The following FRMD4A variants were observed in gnomAD, a reference collection of about 807,000 sequenced individuals.
FRMD4A encodes the protein FERM domain containing 4A.
In FRMD4A, 29 loss-of-function variants were observed where a neutral mutation model predicts 129.1. That is an observed-to-expected ratio of 0.22 (90% CI 0.17 to 0.31). FRMD4A has a LOEUF of 0.31. FRMD4A is among the 10% of genes least tolerant of loss of function. The pLI, the probability that FRMD4A is intolerant of heterozygous loss-of-function variation, is 1.00. For missense variants in FRMD4A, 1,272 were observed against 1,375.8 expected, an observed-to-expected ratio of 0.92 and a Z score of 1.19; for synonymous variants, 634 against 571.6, an observed-to-expected ratio of 1.11 and a Z score of -1.56.
chr10:13,732,362 C>T (rs2090373795), intron 12 of FRMD4A, among the ~76,000 whole-genome samples: 1 of 152,072 alleles, frequency 6.6e-6, no homozygotes, highest in African/African-American at 2.4e-5. Context: ...TATGGAAACA[C>T]TTAAGTGGAT....
At chr10:14,109,345 C>T (rs1837755704) in intron 2 of FRMD4A, among the ~76,000 whole-genome samples, 1 of 152,060 alleles carries the variant, frequency 6.6e-6, no homozygotes, top group Admixed American at 6.5e-5. Flanking sequence ...CCATAATTTC[C>T]AGTTTGTTTC....
At chr10:13,903,726 A>T (rs565242552) in intron 2 of FRMD4A, among the ~76,000 whole-genome samples, 162 of 152,118 alleles carry the variant, frequency 1.1e-3, no homozygotes, top group African/African-American at 3.7e-3. Flanking sequence ...AAAATAAAAA[A>T]AAAATAGCCA....
chr10:13,846,494 A>G (rs2094048071), intron 3 of FRMD4A, among the ~76,000 whole-genome samples: 1 of 152,206 alleles, frequency 6.6e-6, no homozygotes, highest in Admixed American at 6.5e-5. Context: ...GATATTGGAC[A>G]AAGAATTTTG....
intron 2 of FRMD4A, among the ~76,000 whole-genome samples, chr10:14,184,234 C>T (rs1159060378): frequency 2.8e-5 from 4 of 143,560 alleles, no homozygotes; most frequent in Non-Finnish European, 4.5e-5. Flanking sequence ...TGGGTTCAAG[C>T]GATTCTCCTG....
chr10:14,285,936 C>A (rs946566546), intron 2 of FRMD4A, among the ~76,000 whole-genome samples: 37 of 152,170 alleles, frequency 2.4e-4, no homozygotes, highest in African/African-American at 8.9e-4. Context: ...TCTTCTGCTA[C>A]CCATTTAGTC....
intron 6 of FRMD4A, among the ~76,000 whole-genome samples, chr10:13,774,626 C>G (rs573922241): frequency 6.6e-6 from 1 of 152,094 alleles, no homozygotes; most frequent in East Asian, 1.9e-4. Context: ...CACTGATATT[C>G]GGGGTTCCCC....
At chr10:14,016,091 GGTGAA>G (rs777459936) in intron 2 of FRMD4A, among the ~76,000 whole-genome samples, 2 of 152,352 alleles carry the variant, frequency 1.3e-5, no homozygotes, top group Admixed American at 6.5e-5. Context: ...AGGCGTCTGT[GGTGAA>G]GTGAAAGACT....
rs552042632 is a variant in FRMD4A at position 14,079,593 on chromosome 10, G to T, written c.46-220681C>A. Reference sequence around the variant, plus strand: ...AAGGGTGAAACCTGCAATGCTTTTAGGCAACACATTTACCATGGCTAGAGA... The same window carrying T: ...AAGGGTGAAACCTGCAATGCTTTTATGCAACACATTTACCATGGCTAGAGA... On this transcript the variant is annotated intron_variant, in intron 2 of 24. Coordinates refer to ENST00000357447, the MANE Select transcript of FRMD4A (RefSeq NM_018027.5). Among the ~76,000 whole-genome samples the T allele has an allele frequency of 1.9e-3, 282 of 152,296 alleles. 10 individuals carry two copies. In the South Asian group the frequency reaches 0.053, roughly 29 times the overall value.
chr10:14,147,652 A>G (rs1840140391), intron 2 of FRMD4A, among the ~76,000 whole-genome samples: 1 of 152,132 alleles, frequency 6.6e-6, no homozygotes, highest in African/African-American at 2.4e-5. Context: ...TGCAGTTCAC[A>G]ACAGGGTCTG....
At chr10:13,940,938 A>C (rs1226832538) in intron 2 of FRMD4A, among the ~76,000 whole-genome samples, 1 of 152,024 alleles carries the variant, frequency 6.6e-6, no homozygotes, top group East Asian at 1.9e-4. Flanking sequence ...TTCATTCTCT[A>C]CTCTCTGGTG....
intron 2 of FRMD4A, among the ~76,000 whole-genome samples, chr10:14,189,282 G>A (rs914530459): frequency 7.9e-5 from 12 of 152,098 alleles, no homozygotes; most frequent in Non-Finnish European, 1.6e-4. Flanking sequence ...GTAAGAGGAG[G>A]AAGAGAATGG....
At chr10:14,303,264 T>G (rs539720886) in intron 2 of FRMD4A, among the ~76,000 whole-genome samples, 55 of 152,328 alleles carry the variant, frequency 3.6e-4, no homozygotes, top group African/African-American at 1.3e-3. Flanking sequence ...CAACTGCTTC[T>G]CAAATTTTAA....
intron 2 of FRMD4A, among the ~76,000 whole-genome samples, chr10:14,156,642 TG>T (rs1840616931): frequency 6.6e-6 from 1 of 152,200 alleles, no homozygotes; most frequent in Admixed American, 6.5e-5. Context: ...GAGATCTACG[TG>T]GGTTTATACC....
rs561167144 is a variant in FRMD4A at position 14,269,131 on chromosome 10, G to C, written c.45+60927C>G. On this transcript the variant is annotated intron_variant, in intron 2 of 24. Transcript: ENST00000357447. Reference sequence around the variant, plus strand: ...TGGATTGGCAAGGCTGTGGGATGGGGTGGTGGCTATTCCTGGAGTAGTAAA... The same window carrying C: ...TGGATTGGCAAGGCTGTGGGATGGGCTGGTGGCTATTCCTGGAGTAGTAAA... 4.1e-4 allele frequency among the ~76,000 whole-genome samples: 63 copies of C among 152,310 alleles called. No individual in the cohort carries two copies. The South Asian group carries it at 4.8e-3, about 12-fold the overall frequency.
intron 2 of FRMD4A, among the ~76,000 whole-genome samples, chr10:14,045,056 C>A (rs1368059486): frequency 6.6e-6 from 1 of 152,130 alleles, no homozygotes; most frequent in Non-Finnish European, 1.5e-5. Flanking sequence ...GCACCCACCA[C>A]CGTGCCCAGC....
chr10:13,752,717 G>C (rs965272510), intron 8 of FRMD4A, among the ~76,000 whole-genome samples: 3 of 152,166 alleles, frequency 2.0e-5, no homozygotes, highest in Non-Finnish European at 4.4e-5. Flanking sequence ...AATCATGAAG[G>C]TCAAGTTCTC....
rs564540551 is a variant in FRMD4A, at chr10:14,122,608, G to A, written c.45+207450C>T. Among the ~76,000 whole-genome samples the A allele has an allele frequency of 3.2e-3, 487 of 151,582 alleles. 2 individuals carry two copies. The highest frequency in any genetic ancestry group is 5.8e-3 in the Non-Finnish European group (397 of 67,948). ...GTAGAGAAGGAGCAAGTGGGGTGGG[G>A]GGTAGGGGAGGGCTGCTACACACTT... is the stretch of plus-strand genomic sequence containing the variant. On this transcript the variant is annotated intron_variant, in intron 2 of 24. Coordinates refer to ENST00000357447, the MANE Select transcript of FRMD4A (RefSeq NM_018027.5).
chr10:13,880,213 G>A (rs1020096015), intron 2 of FRMD4A, among the ~76,000 whole-genome samples: 2 of 152,024 alleles, frequency 1.3e-5, no homozygotes, highest in African/African-American at 4.8e-5. Flanking sequence ...CGGAATTCCT[G>A]ATCTCACTTT....
chr10:13,982,195 A>T (rs1470657272), intron 2 of FRMD4A, among the ~76,000 whole-genome samples: 1 of 151,912 alleles, frequency 6.6e-6, no homozygotes, highest in African/African-American at 2.4e-5. Context: ...AACACAAAGA[A>T]ATTCTCAGCT....
Sources: gnomAD v4.1 joint callset for allele counts (sites outside exome capture counted in the v4.1 genomes callset) on GRCh38, gnomAD v4.1.1 for gene constraint, MANE v1.5 for transcripts, NCBI Gene and HGNC (gene_info 2026-07-23, HGNC 2026-07-21) for gene names.